The following UGT3A2 variants were observed in gnomAD, a reference collection of about 807,000 sequenced individuals.
The protein encoded by UGT3A2 is UDP-glycosyltransferase 3A2.
UGT3A2 carries 32 observed loss-of-function variants against 39.8 expected under a neutral mutation model. The ratio of observed to expected loss-of-function variants is 0.80; its 90% CI spans 0.61 to 1.08. The LOEUF (loss-of-function observed/expected upper bound fraction) is 1.08. Among genes scored for constraint, UGT3A2 ranks in the 50% least tolerant of loss-of-function variants. The probability of loss-of-function intolerance (pLI) is 0.00; values close to 1 mark genes in which losing one functional copy is unlikely to be tolerated. For missense variants in UGT3A2, 611 were observed against 637.1 expected, an observed-to-expected ratio of 0.96 and a Z score of 0.44; for synonymous variants, 241 against 230.7, an observed-to-expected ratio of 1.04 and a Z score of -0.40.
chr5:36,055,985 T>C (rs1236753870), intron 2 of UGT3A2, among the ~76,000 whole-genome samples: 2 of 152,140 alleles, frequency 1.3e-5, no homozygotes, highest in Non-Finnish European at 2.9e-5. Context: ...TTCATTTCCT[T>C]TTCCTTTGTT....
chr5:36,053,970 A>T (rs181747150), intron 2 of UGT3A2, among the ~76,000 whole-genome samples: 5 of 152,290 alleles, frequency 3.3e-5, no homozygotes, highest in Admixed American at 6.5e-5. Context: ...CCTGGGCCAC[A>T]TTGGAAGAAG....
intron 4 of UGT3A2, among the ~76,000 whole-genome samples, chr5:36,044,445 C>A (rs781198261): frequency 1.3e-5 from 2 of 151,884 alleles, no homozygotes; most frequent in Admixed American, 1.3e-4. Context: ...ACTTTTACCA[C>A]AGTTATTCAA....
chr5:36,039,370 C>T, intron 5 of UGT3A2, 107 bp downstream of exon 5: 1 of 1,120,350 alleles, frequency 8.9e-7, no homozygotes, highest in Non-Finnish European at 1.3e-6. Context: ...TGAGCCTTAC[C>T]TGTACCATTC....
chr5:36,063,928 G>T (rs904322126), intron 2 of UGT3A2, among the ~76,000 whole-genome samples: 7 of 152,022 alleles, frequency 4.6e-5, no homozygotes, highest in Non-Finnish European at 8.8e-5. Context: ...GAGCCACCTT[G>T]CCCCACCATG....
chr5:36,049,027 T>G lies in UGT3A2; in HGVS notation c.705A>C (p.Pro235=). The G allele has an allele frequency of 6.2e-7, 1 of 1,614,212 alleles. No homozygotes were observed. The highest frequency in any genetic ancestry group is 8.5e-7 in the Non-Finnish European group (1 of 1,180,038). Residue 235 remains proline (P), a synonymous_variant, in exon 4 of 7, where the codon CCA becomes CCC. Coordinates refer to ENST00000282507, the MANE Select transcript of UGT3A2 (RefSeq NM_174914.4). ...CTTTCAGTAGAAGATGAGACAAAAC[T>G]GGCCTAGAGCCTTCTGTGAAATGTT... ...IKEHFTEGSR[P]VLSHLLLKAE... is the part of the protein sequence containing the mutation.
chr5:36,046,357 T>C (rs1312619766), intron 4 of UGT3A2, among the ~76,000 whole-genome samples: 1 of 152,314 alleles, frequency 6.6e-6, no homozygotes, highest in East Asian at 1.9e-4. Context: ...ATGGAATCAA[T>C]CTAAATTTCC....
At chr5:36,055,828 G>A (rs988987783) in intron 2 of UGT3A2, among the ~76,000 whole-genome samples, 36 of 151,930 alleles carry the variant, frequency 2.4e-4, no homozygotes, top group Non-Finnish European at 7.4e-5. Flanking sequence ...ATCCTTTCAG[G>A]GACATGTTCT....
chr5:36,056,965 C>A (rs2111755706), intron 2 of UGT3A2, among the ~76,000 whole-genome samples: 1 of 152,348 alleles, frequency 6.6e-6, no homozygotes, highest in African/African-American at 2.4e-5. Flanking sequence ...TGAGTCATCA[C>A]TAGCAGAGTT....
chr5:36,066,540 C>T (rs776311846), intron 1 of UGT3A2, among the ~76,000 whole-genome samples, 156 bp downstream of exon 1: 6 of 152,204 alleles, frequency 3.9e-5, no homozygotes, highest in Admixed American at 3.3e-4. Flanking sequence ...CCTCTCTGCC[C>T]CACAGCTGAA....
Position 36,039,603 on chromosome 5 carries a change from TC to T in UGT3A2, c.948del (p.Met316IlefsTer12), listed in dbSNP as rs745944676. 33 of 1,614,210 alleles carry T rather than the reference TC, an allele frequency of 2.0e-5. No individual in the cohort carries two copies. In the East Asian group the frequency reaches 7.4e-4, roughly 36 times the overall value. On this transcript the variant is annotated frameshift_variant, in exon 5 of 7. Transcript: ENST00000282507. LOFTEE classifies it high-confidence loss of function. Reference protein sequence around the residue: ...TCQNPEIFKEMNNAFAHLPQG... With the variant: ...TCQNPEIFKEXNNAFAHLPQG... ...TGGGGTAGGTGAGCAAAGGCATTGT[TC>T]ATCTCCTTGAAGATTTCCGGATTCT...
chr5:36,065,026 C>G (rs569020047), intron 1 of UGT3A2, among the ~76,000 whole-genome samples: 2 of 152,104 alleles, frequency 1.3e-5, no homozygotes, highest in African/African-American at 4.8e-5. Context: ...CCTGGTTGCA[C>G]GAGAGACTAG....
chr5:36,054,163 A>C (rs1054181563), intron 2 of UGT3A2, among the ~76,000 whole-genome samples: 17 of 152,250 alleles, frequency 1.1e-4, no homozygotes, highest in Non-Finnish European at 2.4e-4. Flanking sequence ...AGCTTGCCTT[A>C]TAAGAACTCT....
chr5:36,050,829 T>C (rs1196953682), intron 3 of UGT3A2, among the ~76,000 whole-genome samples: 1 of 148,850 alleles, frequency 6.7e-6, no homozygotes, highest in Admixed American at 6.7e-5. Context: ...GCCATTGCAC[T>C]CCAGCCTGGG....
chr5:36,038,067 A>G (rs1426726717), intron 5 of UGT3A2, 51 bp from the exon 6 acceptor site: 20 of 1,532,564 alleles, frequency 1.3e-5, no homozygotes, highest in South Asian at 7.8e-5. Context: ...AAATTTCAAA[A>G]CATCAGGCAG....
At chr5:36,047,655 TAA>T (rs371218395) in intron 4 of UGT3A2, among the ~76,000 whole-genome samples, 11 of 151,948 alleles carry the variant, frequency 7.2e-5, no homozygotes, top group South Asian at 2.1e-4. Flanking sequence ...AGAAGAAACA[TAA>T]TTTTTTTTAA....
At chr5:36,042,602 A>C (rs557238086) in intron 4 of UGT3A2, among the ~76,000 whole-genome samples, 45 of 152,280 alleles carry the variant, frequency 3.0e-4, no homozygotes, top group African/African-American at 9.6e-4. Flanking sequence ...GAGTGATTGA[A>C]TGAATAAAAA....
chr5:36,043,932 G>C (rs1742087859), intron 4 of UGT3A2, among the ~76,000 whole-genome samples: 1 of 152,132 alleles, frequency 6.6e-6, no homozygotes, highest in South Asian at 2.1e-4. Context: ...AACATTTAAA[G>C]AACTAATACC....
chr5:36,036,084 T>A, intron 6 of UGT3A2, 110 bp from the exon 7 acceptor site: 1 of 1,384,282 alleles, frequency 7.2e-7, no homozygotes, highest in Non-Finnish European at 9.8e-7. Flanking sequence ...GAAATTCTGT[T>A]GGCTTTGCAG....
Position 36,035,601 on chromosome 5 carries a change from GA to G in UGT3A2, c.*96del, listed in dbSNP as rs1290092291. ...TCTTCAAGAAAACAGGAGATAACTAGAAGGACTAGAGAATGGGGCTGCCAGA... is the reference window on the plus strand; with the variant it reads ...TCTTCAAGAAAACAGGAGATAACTAGAGGACTAGAGAATGGGGCTGCCAGA... On this transcript the variant is annotated 3_prime_UTR_variant, in exon 7 of 7. Transcript: ENST00000282507. The G allele has an allele frequency of 2.7e-6, 4 of 1,490,050 alleles. No individual in the cohort carries two copies. The allele number at this position is 1,490,050 out of a possible 1,614,324, so 92.3% of individuals were successfully genotyped here.
Sources: gnomAD v4.1 joint callset for allele counts (sites outside exome capture counted in the v4.1 genomes callset) on GRCh38, gnomAD v4.1.1 for gene constraint, MANE v1.5 for transcripts, NCBI Gene and HGNC (gene_info 2026-07-23, HGNC 2026-07-21) for gene names.